Variants in RNF123 observed in about 807,000 individuals in gnomAD.
RNF123 encodes the protein ring finger protein 123.
Under a neutral mutation model 168.5 loss-of-function variants are expected in RNF123, and 86 were observed. The ratio of observed to expected loss-of-function variants is 0.51; its 90% CI spans 0.43 to 0.61. The LOEUF (loss-of-function observed/expected upper bound fraction) is 0.61. Ranked by LOEUF, RNF123 falls within the 20% of genes least tolerant of loss-of-function variation. RNF123 has a pLI of 0.00. For missense variants in RNF123, 1,419 were observed against 1,729.7 expected (o/e 0.82, Z 3.19); for synonymous variants, 666 against 689.1 (o/e 0.97, Z 0.52).
At position 49,715,471 on chromosome 3, in the gene RNF123, CT is replaced by C. The variant is rs550363492; in HGVS notation, c.3011-101del. 3.9e-4 allele frequency: 543 copies of C among 1,408,228 alleles called. 3 individuals are homozygous for C. The African/African-American group carries it at 6.7e-3, about 17-fold the overall frequency. The allele number at this position is 1,408,228 out of a possible 1,614,324, so 87.2% of individuals were successfully genotyped here. On this transcript the variant is annotated intron_variant, in intron 31 of 38. Coordinates refer to ENST00000327697, the MANE Select transcript of RNF123 (RefSeq NM_022064.5). ...GACCTGAGCATTCCTAGGGAGCCAT[CT>C]TTCTGTCCTTATACCAAAGCCTCAA...
At position 49,718,223 on chromosome 3, in the gene RNF123, GGCAGGCACGGCGGCAGCA is replaced by G. The variant is rs781514291; in HGVS notation, c.3500+1749_3500+1766del. The G allele has an allele frequency of 3.0e-5, 49 of 1,612,038 alleles. 5 individuals are homozygous for G. The South Asian group carries it at 5.2e-4, about 17-fold the overall frequency. On this transcript the variant is annotated intron_variant, in intron 35 of 38. Coordinates refer to ENST00000327697, the MANE Select transcript of RNF123 (RefSeq NM_022064.5). ...GGTGTTTGGGGCCAGCGGCGGCAGC[GGCAGGCACGGCGGCAGCA>G]GCGGCAGGGTGGGGCGAACAGGTAG...
intron 38 of RNF123, 24 bp from the exon 39 acceptor site, chr3:49,721,161 T>G (rs376781574): frequency 1.2e-5 from 19 of 1,613,986 alleles, no homozygotes; most frequent in Non-Finnish European, 1.5e-5. Flanking sequence ...TGCAGGGCAG[T>G]CCTCATCCCC....
intron 34 of RNF123, 103 bp downstream of exon 34, chr3:49,716,280 T>G: frequency 6.4e-7 from 1 of 1,551,168 alleles, no homozygotes; most frequent in Non-Finnish European, 8.9e-7. Context: ...ACAGCCAGAC[T>G]TGGTGCTCTG....
intron 35 of RNF123, chr3:49,718,370 C>T (rs751316970): frequency 9.9e-6 from 16 of 1,613,358 alleles, no homozygotes; most frequent in East Asian, 4.5e-5. Context: ...ACGTTGTACT[C>T]GTGCGTCTGG....
rs1575541133 is a variant in RNF123 at position 49,716,733 on chromosome 3, C to T, written c.3500+256C>T. The T allele has an allele frequency of 3.2e-5, 15 of 474,890 alleles. No homozygotes were observed. The East Asian group carries it at 5.5e-4, about 17-fold the overall frequency. 29.4% of individuals were successfully genotyped at this position (474,890 alleles called of 1,614,324 possible). A position where few individuals can be genotyped will look rare whatever the true frequency, so the allele number is the denominator to read the frequency against. On this transcript the variant is annotated intron_variant, in intron 35 of 38. Coordinates refer to ENST00000327697, the MANE Select transcript of RNF123 (RefSeq NM_022064.5). ...GAGCCACTGGCTTGTGGCCATGCCTCAGGCCAGGCATGGGAGGCAGGACTC... is the reference window on the plus strand; with the variant it reads ...GAGCCACTGGCTTGTGGCCATGCCTTAGGCCAGGCATGGGAGGCAGGACTC...
intron 3 of RNF123, among the ~76,000 whole-genome samples, chr3:49,693,892 G>A (rs1204965488): frequency 2.0e-5 from 3 of 152,040 alleles, no homozygotes; most frequent in African/African-American, 4.8e-5. Context: ...TTTACCATTC[G>A]TATGTCTTCT....
chr3:49,699,889 G>A lies in RNF123; in HGVS notation c.984+117G>A, dbSNP rs547064019. The A allele has an allele frequency of 9.3e-5, 106 of 1,134,516 alleles. 1 individual carries two copies. In the South Asian group the frequency reaches 1.0e-3, roughly 11 times the overall value. The allele number at this position is 1,134,516 out of a possible 1,614,324, so 70.3% of individuals were successfully genotyped here. ...CTGAGGTCCCACAGCATCACCTGGCGAGGGCCCCATGTGACCAGGGCCCTC... is the reference window on the plus strand; with the variant it reads ...CTGAGGTCCCACAGCATCACCTGGCAAGGGCCCCATGTGACCAGGGCCCTC... On this transcript the variant is annotated intron_variant, in intron 12 of 38. Transcript: ENST00000327697. The surrounding 1 kb of genome is among the most constrained non-coding windows in gnomAD (Gnocchi z 4.8).
intron 15 of RNF123, 81 bp from the exon 16 acceptor site, chr3:49,701,410 G>C (rs928432792): frequency 1.8e-6 from 2 of 1,093,250 alleles, no homozygotes; most frequent in African/African-American, 1.5e-5. Flanking sequence ...GGCACATCCA[G>C]GGATGGGCTC....
chr3:49,691,672 G>A (rs1449613338), intron 3 of RNF123, among the ~76,000 whole-genome samples, 163 bp downstream of exon 3: 2 of 152,186 alleles, frequency 1.3e-5, no homozygotes, highest in African/African-American at 4.8e-5. Context: ...TCTGCCTTCC[G>A]TACTCTGCTT....
Position 49,721,403 on chromosome 3 carries a change from C to T in RNF123, c.*98C>T. 2 of 1,485,500 alleles carry T rather than the reference C, an allele frequency of 1.3e-6. No individual in the cohort carries two copies. The highest frequency in any genetic ancestry group is 9.4e-7 in the Non-Finnish European group (1 of 1,063,900). 92.0% of individuals were successfully genotyped at this position (1,485,500 alleles called of 1,614,324 possible). ...CCCTTTGCCCTTCTCCTGTATCCCA[C>T]ACCACCACATCCAACCTCCTTGCCT... On this transcript the variant is annotated 3_prime_UTR_variant, in exon 39 of 39. Coordinates refer to ENST00000327697, the MANE Select transcript of RNF123 (RefSeq NM_022064.5).
intron 35 of RNF123, chr3:49,717,557 CG>C: frequency 8.1e-6 from 2 of 247,508 alleles, no homozygotes; most frequent in East Asian, 1.1e-4. Context: ...TGAGGGTGGA[CG>C]GGAGGCTCTG....
Position 49,705,991 on chromosome 3 carries a change from G to A in RNF123, c.2314G>A (p.Val772Ile), listed in dbSNP as rs963677696. 5.6e-6 allele frequency: 9 copies of A among 1,613,326 alleles called. No individual in the cohort carries two copies. The African/African-American group carries it at 8.0e-5, about 14-fold the overall frequency. The change falls in exon 25 of 39, where the codon GTC becomes ATC. Residue 772 changes from valine to isoleucine, a missense_variant. Coordinates refer to ENST00000327697, the MANE Select transcript of RNF123 (RefSeq NM_022064.5). Reference protein sequence around the residue: ...VHQQLGKMVGVSDDVNEYAMA... With the variant: ...VHQQLGKMVGISDDVNEYAMA... ...GTCCCATGCTGTGTAGATGGTGGGT[G>A]TCTCCGATGATGTCAATGAATACGC... is the stretch of plus-strand genomic sequence containing the variant.
intron 35 of RNF123, chr3:49,719,324 T>C (rs762966130): frequency 6.8e-6 from 11 of 1,613,018 alleles, no homozygotes; most frequent in Admixed American, 1.7e-5. Context: ...CCTAGGCCAG[T>C]GCAGCTTAGC....
rs2080255725 is a variant in RNF123 at position 49,716,842 on chromosome 3, C to T, written c.3500+365C>T. ...GGAGGACCGCCATTGTCTGCAAAGG[C>T]TCTAGCAATAAGCATGTGCTACCTT... On this transcript the variant is annotated intron_variant, in intron 35 of 38. Coordinates refer to ENST00000327697, the MANE Select transcript of RNF123 (RefSeq NM_022064.5). The T allele has an allele frequency of 1.4e-5, 3 of 219,080 alleles. No individual in the cohort carries two copies. In the South Asian group the frequency reaches 2.6e-4, roughly 19 times the overall value. The allele number at this position is 219,080 out of a possible 1,614,324, so 13.6% of individuals were successfully genotyped here. A position where few individuals can be genotyped will look rare whatever the true frequency, so the allele number is the denominator to read the frequency against.
chr3:49,714,825 TGTA>T (rs1304116888), intron 31 of RNF123, among the ~76,000 whole-genome samples: 25 of 152,182 alleles, frequency 1.6e-4, no homozygotes, highest in Non-Finnish European at 8.8e-5. Flanking sequence ...TCTTGGCTCA[TGTA>T]GTCTGTTTCT....
At chr3:49,703,390 C>A in intron 20 of RNF123, 37 bp from the exon 21 acceptor site, 1 of 1,559,652 alleles carries the variant, frequency 6.4e-7, no homozygotes, top group Non-Finnish European at 8.8e-7. Flanking sequence ...TCCTACTGGG[C>A]CGTGACCACT....
Position 49,700,365 on chromosome 3 carries a change from A to T in RNF123, c.1110+13A>T. 1 of 1,613,894 alleles carries T rather than the reference A, an allele frequency of 6.2e-7. No homozygotes were observed. The highest frequency in any genetic ancestry group is 8.5e-7 in the Non-Finnish European group (1 of 1,179,824). On this transcript the variant is annotated intron_variant, in intron 13 of 38. Coordinates refer to ENST00000327697, the MANE Select transcript of RNF123 (RefSeq NM_022064.5). ...GCTCTTCATGGAGGTGAGGCTCCTG[A>T]CCTCAGGCCTCAGGCCTGGCTGTCA... is the stretch of plus-strand genomic sequence containing the variant.
intron 3 of RNF123, among the ~76,000 whole-genome samples, chr3:49,696,351 T>A (rs2054267059): frequency 7.1e-6 from 1 of 140,166 alleles, no homozygotes; most frequent in Non-Finnish European, 1.6e-5. Flanking sequence ...GAGGGCTACT[T>A]TTTTTTTTTT....
chr3:49,718,911 C>G, intron 35 of RNF123: 1 of 1,613,700 alleles, frequency 6.2e-7, no homozygotes, highest in East Asian at 2.2e-5. Flanking sequence ...CCAGAGTAAG[C>G]AGGTGGGTGG....
Sources: gnomAD v4.1 joint callset for allele counts (sites outside exome capture counted in the v4.1 genomes callset) on GRCh38, gnomAD v4.1.1 for gene constraint, Gnocchi (gnomAD v3.1) non-coding constraint, MANE v1.5 for transcripts, NCBI Gene and HGNC (gene_info 2026-07-23, HGNC 2026-07-21) for gene names.